The following SLC4A9 variants were observed in gnomAD, a reference collection of about 807,000 sequenced individuals.
SLC4A9 encodes the protein anion exchange protein 4.
A neutral mutation model predicts 103.2 loss-of-function variants in SLC4A9; 102 were observed. The ratio of observed to expected loss-of-function variants is 0.99; its 90% confidence interval spans 0.84 to 1.17. The LOEUF (loss-of-function observed/expected upper bound fraction) is 1.17, where lower values mean the gene tolerates loss of function less well. Ranked by LOEUF, SLC4A9 falls within the 50% of genes most tolerant of loss-of-function variation. The probability of loss-of-function intolerance (pLI) is 0.00; values close to 1 mark genes in which losing one functional copy is unlikely to be tolerated. For synonymous variants in SLC4A9, 453 were observed against 483.6 expected (o/e 0.94, Z 0.83); for missense variants, 1,091 against 1,193.7 (o/e 0.91, Z 1.27).
Position 140,367,809 on chromosome 5 carries a change from CA to C in SLC4A9, c.2266del (p.Thr756LeufsTer34). Reference sequence around the variant, plus strand: ...TTGGACTGCCTTGGTATGTCTCAGCCACTGTCATCTCCCTGGCTCACATGGA... The same window carrying C: ...TTGGACTGCCTTGGTATGTCTCAGCCCTGTCATCTCCCTGGCTCACATGGA... ...ALGLPWYVSA[T>X]VISLAHMDSL... On this transcript the variant is annotated frameshift_variant, in exon 16 of 22. Coordinates refer to ENST00000506757, the MANE Select transcript of SLC4A9 (RefSeq NM_031467.3). LOFTEE classifies it high-confidence loss of function. 1 of 1,613,980 alleles carries C rather than the reference CA, an allele frequency of 6.2e-7. No individual in the cohort carries two copies. Among genetic ancestry groups the C allele is most frequent in the Non-Finnish European group, 8.5e-7 (1 of 1,179,896 alleles).
Position 140,361,820 on chromosome 5 carries a change from C to T in SLC4A9, c.518C>T (p.Pro173Leu), listed in dbSNP as rs1238804364. 1 of 1,613,874 alleles carries T rather than the reference C, an allele frequency of 6.2e-7. No individual in the cohort carries two copies. Among genetic ancestry groups the T allele is most frequent in the East Asian group, 2.2e-5 (1 of 44,886 alleles). ...GTRPCWGSTH[P>L]RKASDNEEAP... ...TCCTGTTTTGTAGGCTCTACTCATCCAAGAAAGGCTTCTGACAATGAGGAA... is the reference window on the plus strand; with the variant it reads ...TCCTGTTTTGTAGGCTCTACTCATCTAAGAAAGGCTTCTGACAATGAGGAA... The change falls in exon 4 of 22, where the codon CCA becomes CTA. Residue 173 changes from proline to leucine, a missense_variant. Transcript: ENST00000506757.
In SLC4A9 at chr5:140,367,681, G is replaced by A. The variant is rs71581535; in HGVS notation, c.2176-39G>A. The A allele has an allele frequency of 7.4e-6, 12 of 1,611,546 alleles. No homozygotes were observed. The East Asian group carries it at 2.5e-4, about 33-fold the overall frequency. On this transcript the variant is annotated intron_variant, in intron 15 of 21. Transcript: ENST00000506757. ...TCAGAGGACAGAGGGCTGGGGCCTG[G>A]GCTAGCTTCATCCTCATTGCCCCCA...
At chr5:140,371,744 T>G in intron 19 of SLC4A9, 120 bp downstream of exon 19, 2 of 1,171,076 alleles carry the variant, frequency 1.7e-6, no homozygotes, top group Non-Finnish European at 2.4e-6. Context: ...TGGCTCTCCC[T>G]GGTTGGGAAT....
At chr5:140,368,265 G>A (rs1768191969) in intron 16 of SLC4A9, among the ~76,000 whole-genome samples, 1 of 152,202 alleles carries the variant, frequency 6.6e-6, no homozygotes, top group African/African-American at 2.4e-5. Flanking sequence ...TAAAGTATAT[G>A]AAATCAACTT....
In SLC4A9 at chr5:140,363,949, C is replaced by A; in HGVS notation, c.1254+47C>A. The A allele has an allele frequency of 6.3e-7, 1 of 1,594,382 alleles. No individual in the cohort carries two copies. Among genetic ancestry groups the A allele is most frequent in the South Asian group, 1.1e-5 (1 of 89,208 alleles). Reference sequence around the variant, plus strand: ...GGCACAAGCGTTGGTGTCCCCTAGTCCATCCCTTCCCCTGGGACTATGGGT... The same window carrying A: ...GGCACAAGCGTTGGTGTCCCCTAGTACATCCCTTCCCCTGGGACTATGGGT... On this transcript the variant is annotated intron_variant, in intron 9 of 21. Coordinates refer to ENST00000506757, the MANE Select transcript of SLC4A9 (RefSeq NM_031467.3). The surrounding 1 kb of genome is among the most constrained non-coding windows in gnomAD (Gnocchi z 4.5).
chr5:140,370,963 G>A (rs1768626801), intron 17 of SLC4A9, 132 bp from the exon 18 acceptor site: 1 of 668,078 alleles, frequency 1.5e-6, no homozygotes, highest in African/African-American at 1.8e-5. Flanking sequence ...CATGAAACAT[G>A]TGAAAGGAAA....
rs757847060 is a variant in SLC4A9, at chr5:140,372,320, A to G, written c.2749A>G (p.Met917Val). ...GGAACTCCTCTGGCTGGATGAGCTG[A>G]TGCCAGAGGAGGAGAGAAGCATCCC... ...PQELLWLDEL[M>V]PEEERSIPEK... The change falls in exon 20 of 22, where the codon ATG (methionine) becomes GTG (valine). Residue 917 changes from methionine (M) to valine (V), a missense_variant. Met to Val is a conservative substitution (Grantham distance 21). Transcript: ENST00000506757. 6.2e-7 allele frequency: 1 copy of G among 1,609,716 alleles called. No homozygotes were observed. Among genetic ancestry groups the G allele is most frequent in the Non-Finnish European group, 8.5e-7 (1 of 1,178,866 alleles).
At position 140,364,177 on chromosome 5, in the gene SLC4A9, T is replaced by C; in HGVS notation, c.1378T>C (p.Ser460Pro). The change falls in exon 10 of 22, where the codon TCT becomes CCT. Residue 460 changes from serine (S) to proline (P), a missense_variant. Transcript: ENST00000506757. ...PVLVFERLLF[S>P]FSRDYSLDYL... Reference sequence around the variant, plus strand: ...GCTGGTCTTTGAGCGCCTGCTCTTCTCTTTCAGCAGGTAGGAGAGCTCCCC... The same window carrying C: ...GCTGGTCTTTGAGCGCCTGCTCTTCCCTTTCAGCAGGTAGGAGAGCTCCCC... 6.4e-7 allele frequency: 1 copy of C among 1,568,556 alleles called. No individual in the cohort carries two copies. The highest frequency in any genetic ancestry group is 8.6e-7 in the Non-Finnish European group (1 of 1,157,116).
chr5:140,369,531 A>G (rs1242142955), intron 17 of SLC4A9, among the ~76,000 whole-genome samples: 2 of 151,972 alleles, frequency 1.3e-5, no homozygotes, highest in East Asian at 3.9e-4. Context: ...CAAGACAGCA[A>G]GCAGTCAAGG....
chr5:140,365,609 AG>A, intron 12 of SLC4A9, 31 bp downstream of exon 12: 2 of 1,605,594 alleles, frequency 1.2e-6, no homozygotes, highest in East Asian at 4.5e-5. Flanking sequence ...GGTTCTAGGA[AG>A]GAAAGGGTGG....
chr5:140,374,486 G>A (rs556974632), intron 21 of SLC4A9, among the ~76,000 whole-genome samples: 1 of 147,918 alleles, frequency 6.8e-6, no homozygotes, highest in South Asian at 2.2e-4. Context: ...GGAGGCGGAG[G>A]TTGCAGTGAG....
In SLC4A9 at chr5:140,372,853, T is replaced by A; in HGVS notation, c.*45+10T>A. On this transcript the variant is annotated intron_variant, in intron 21 of 21. Transcript: ENST00000506757. ...CAGGAAACAGCATGAGGTGAGGGTG[T>A]GAGGGAAGTGCTCCTGATGTTGAGG... 1 of 1,452,388 alleles carries A rather than the reference T, an allele frequency of 6.9e-7. No individual in the cohort carries two copies. The highest frequency in any genetic ancestry group is 9.3e-7 in the Non-Finnish European group (1 of 1,077,814). 90.0% of individuals were successfully genotyped at this position (1,452,388 alleles called of 1,614,324 possible). A position where few individuals can be genotyped will look rare whatever the true frequency, so the allele number is the denominator to read the frequency against.
At position 140,363,651 on chromosome 5, in the gene SLC4A9, C is replaced by T. The variant is rs1462159441; in HGVS notation, c.1080-77C>T. On this transcript the variant is annotated intron_variant, in intron 8 of 21. Coordinates refer to ENST00000506757, the MANE Select transcript of SLC4A9 (RefSeq NM_031467.3). This position sits in a 1 kb window ranked among gnomAD's most constrained non-coding sequence, Gnocchi z 4.5. Reference sequence around the variant, plus strand: ...GTGTGCTCACTGTGGGAGGGGCTCACCCGGTCACAGGGAAAGTAGCGGGGA... The same window carrying T: ...GTGTGCTCACTGTGGGAGGGGCTCATCCGGTCACAGGGAAAGTAGCGGGGA... The T allele has an allele frequency of 2.5e-6, 4 of 1,586,512 alleles. No homozygotes were observed. Among genetic ancestry groups the T allele is most frequent in the Non-Finnish European group, 3.4e-6 (4 of 1,165,044 alleles).
At chr5:140,366,838 G>A (rs546419002) in intron 14 of SLC4A9, among the ~76,000 whole-genome samples, 6 of 152,294 alleles carry the variant, frequency 3.9e-5, no homozygotes, top group South Asian at 2.1e-4. Flanking sequence ...CAGGAAAGCT[G>A]GAACTCCCTT....
At chr5:140,370,464 C>CAAAA (rs397976586) in intron 17 of SLC4A9, among the ~76,000 whole-genome samples, 1 of 90,870 alleles carries the variant, frequency 1.1e-5, no homozygotes, top group African/African-American at 3.9e-5. Context: ...AACTCCACCT[C>CAAAA]AAAAAAAAAA....
rs1301261744 is a variant in SLC4A9, at chr5:140,361,212, G to C, written c.392-42G>C. Reference sequence around the variant, plus strand: ...GGGAGAAGGGGAAGAGTGTGCGGCAGGGAACTCTCAGGAAGGAGATGACCC... The same window carrying C: ...GGGAGAAGGGGAAGAGTGTGCGGCACGGAACTCTCAGGAAGGAGATGACCC... On this transcript the variant is annotated intron_variant, in intron 2 of 21. Coordinates refer to ENST00000506757, the MANE Select transcript of SLC4A9 (RefSeq NM_031467.3). 6 of 1,500,118 alleles carry C rather than the reference G, an allele frequency of 4.0e-6. No individual in the cohort carries two copies. The Admixed American group carries it at 1.2e-4, about 30-fold the overall frequency. 92.9% of individuals were successfully genotyped at this position (1,500,118 alleles called of 1,614,324 possible). A position where few individuals can be genotyped will look rare whatever the true frequency, so the allele number is the denominator to read the frequency against.
chr5:140,370,793 A>G (rs1315957151), intron 17 of SLC4A9: 9 of 374,454 alleles, frequency 2.4e-5, no homozygotes, highest in Non-Finnish European at 4.0e-5. Flanking sequence ...TAGTGGGAGC[A>G]TAAAGAACAG....
Position 140,366,173 on chromosome 5 carries a change from TCTC to T in SLC4A9, c.1926_1928del (p.Ser643del). ...CAGGTGCGCAAAGGGCTCAGCGACT[TCTC>T]CTCAGTCCTGGCCATCCTGCTCGGC... On this transcript the variant is annotated inframe_deletion, in exon 14 of 22. Transcript: ENST00000506757. 1 of 1,613,316 alleles carries T rather than the reference TCTC, an allele frequency of 6.2e-7. No individual in the cohort carries two copies.
At chr5:140,366,288 G>C in intron 14 of SLC4A9, 24 bp downstream of exon 14, 1 of 1,513,042 alleles carries the variant, frequency 6.6e-7, no homozygotes, top group Non-Finnish European at 9.0e-7. Flanking sequence ...AAGAGGGTTG[G>C]GGGACCAGAG....
Sources: gnomAD v4.1 joint callset for allele counts (sites outside exome capture counted in the v4.1 genomes callset) on GRCh38, gnomAD v4.1.1 for gene constraint, Gnocchi (gnomAD v3.1) non-coding constraint, MANE v1.5 for transcripts, NCBI Gene and HGNC (gene_info 2026-07-23, HGNC 2026-07-21) for gene names.